USP53: variants seen among roughly 807,000 people sequenced by gnomAD.
USP53 encodes ubiquitin carboxyl-terminal hydrolase 53.
A neutral mutation model predicts 94.9 loss-of-function variants in USP53; 71 were observed. That is an observed-to-expected ratio of 0.75 (90% CI 0.62 to 0.91). The LOEUF (loss-of-function observed/expected upper bound fraction) is 0.91, where lower values mean the gene tolerates loss of function less well. Among genes scored for constraint, USP53 ranks in the 40% least tolerant of loss-of-function variants. The pLI is 0.00. For missense variants in USP53, 1,173 were observed against 1,281.0 expected (o/e 0.92, Z 1.29); for synonymous variants, 375 against 422.7 (o/e 0.89, Z 1.39).
intron 4 of USP53, among the ~76,000 whole-genome samples, chr4:119,236,697 A>C (rs1746809676): frequency 1.3e-5 from 2 of 152,246 alleles, no homozygotes; most frequent in Admixed American, 1.3e-4. Context: ...AGATTGCAGC[A>C]ATTCAGTCAC....
At chr4:119,229,993 C>T (rs1363664608) in intron 3 of USP53, among the ~76,000 whole-genome samples, 1 of 152,128 alleles carries the variant, frequency 6.6e-6, no homozygotes, top group Non-Finnish European at 1.5e-5. Context: ...CTCATCCTCC[C>T]AACATACGCA....
At chr4:119,289,440 T>C (rs965497904) in intron 17 of USP53, among the ~76,000 whole-genome samples, 32 of 152,292 alleles carry the variant, frequency 2.1e-4, no homozygotes, top group Middle Eastern at 3.4e-3. Flanking sequence ...ATAGTTTGAC[T>C]TCATAGACCC....
chr4:119,265,802 C>T (rs181430922), intron 12 of USP53, among the ~76,000 whole-genome samples: 41 of 152,250 alleles, frequency 2.7e-4, no homozygotes, highest in African/African-American at 9.6e-4. Flanking sequence ...TTAAAAGTCC[C>T]CTTGCCTGCA....
At chr4:119,240,011 T>C in intron 5 of USP53, 108 bp downstream of exon 5, 1 of 1,140,342 alleles carries the variant, frequency 8.8e-7, no homozygotes, top group Non-Finnish European at 1.1e-6. Flanking sequence ...TAGACTAGAA[T>C]GACTTTTTAA....
chr4:119,220,335 T>C (rs908801006), intron 3 of USP53: 7 of 152,170 alleles, frequency 4.6e-5, no homozygotes, highest in Admixed American at 4.6e-4. Context: ...CTATTAACTC[T>C]TTTAGGAAAA....
Position 119,269,673 on chromosome 4 carries a change from G to A in USP53, c.1289-18G>A, listed in dbSNP as rs1751604195. 2.2e-6 allele frequency: 3 copies of A among 1,365,084 alleles called. No homozygotes were observed. The highest frequency in any genetic ancestry group is 2.9e-6 in the Non-Finnish European group (3 of 1,052,226). 84.6% of individuals were successfully genotyped at this position (1,365,084 alleles called of 1,614,324 possible). A position where few individuals can be genotyped will look rare whatever the true frequency, so the allele number is the denominator to read the frequency against. ...TGAAAAATGATCTGTATCATAGTAA[G>A]AATGATTTCTTTTACAGCTAAGTTA... is the stretch of plus-strand genomic sequence containing the variant. On this transcript the variant is annotated intron_variant, in intron 14 of 18. Coordinates refer to ENST00000692078, the MANE Select transcript of USP53 (RefSeq NM_001371395.1).
chr4:119,273,435 C>A (rs994918971), intron 16 of USP53, 197 bp from the exon 17 acceptor site: 2 of 431,622 alleles, frequency 4.6e-6, no homozygotes, highest in Non-Finnish European at 4.3e-6. Context: ...AATTATTGGG[C>A]AAATTAATTT....
intron 12 of USP53, among the ~76,000 whole-genome samples, chr4:119,263,605 C>G (rs1420357241): frequency 6.6e-6 from 1 of 152,098 alleles, no homozygotes; most frequent in Non-Finnish European, 1.5e-5. Context: ...AAAGGTAAAA[C>G]AATTCTCAAA....
intron 3 of USP53, among the ~76,000 whole-genome samples, chr4:119,223,478 C>A (rs746949530): frequency 8.6e-5 from 13 of 152,014 alleles, no homozygotes; most frequent in Non-Finnish European, 1.2e-4. Flanking sequence ...TGTGCATATC[C>A]CAATTTGAAG....
At chr4:119,248,392 C>T (rs940725413) in intron 6 of USP53, among the ~76,000 whole-genome samples, 3 of 126,548 alleles carry the variant, frequency 2.4e-5, no homozygotes, top group African/African-American at 9.3e-5. Context: ...CTTGATGATA[C>T]AAATAATTAA....
At chr4:119,253,281 T>C (rs1317068611) in intron 7 of USP53, among the ~76,000 whole-genome samples, 1 of 152,158 alleles carries the variant, frequency 6.6e-6, no homozygotes, top group Non-Finnish European at 1.5e-5. Flanking sequence ...TTGTTAATTT[T>C]CTGTCTTGTT....
In USP53 at chr4:119,268,410, G is replaced by C. The variant is rs184668971; in HGVS notation, c.1278G>C (p.Gly426=). 7 of 1,611,568 alleles carry C rather than the reference G, an allele frequency of 4.3e-6. No individual in the cohort carries two copies. In the Admixed American group the frequency reaches 1.2e-4, roughly 27 times the overall value. Residue 426 remains glycine, a synonymous_variant, in exon 14 of 19, where the codon GGG becomes GGC. Transcript: ENST00000692078. ...SNRSHSHTGV[G]KGPAKLSHID... ...GGAGCCACAGTCACACAGGTGTAGG[G>C]AAAGGACCAGGTATGTGTTTAAATT...
chr4:119,248,111 T>C (rs1165301837), intron 6 of USP53, among the ~76,000 whole-genome samples: 2 of 152,204 alleles, frequency 1.3e-5, no homozygotes, highest in Non-Finnish European at 1.5e-5. Context: ...TTGGAATTTA[T>C]TAAAATGTTT....
rs1387020934 is a variant in USP53 at position 119,271,770 on chromosome 4, G to A, written c.1910G>A (p.Gly637Asp). The A allele has an allele frequency of 6.2e-7, 1 of 1,613,782 alleles. No individual in the cohort carries two copies. Among genetic ancestry groups the A allele is most frequent in the Non-Finnish European group, 8.5e-7 (1 of 1,179,972 alleles). Reference sequence around the variant, plus strand: ...CCAAAAGAGAATCCAAAGCAAAAAGGTTTAATGACCATATATGAAGATGAA... The same window carrying A: ...CCAAAAGAGAATCCAAAGCAAAAAGATTTAATGACCATATATGAAGATGAA... ...NWPKENPKQK[G>D]LMTIYEDEMK... The change falls in exon 16 of 19, where the codon GGT becomes GAT. Residue 637 changes from glycine (G) to aspartate (D), a missense_variant. Gly to Asp is a moderately conservative substitution (Grantham distance 94). Transcript: ENST00000692078.
chr4:119,292,646 T>A lies in USP53; in HGVS notation c.2657T>A (p.Met886Lys). ...TAPLIQQQNI[M>K]DQCYFENSLS... ...CCTCTCATCCAGCAACAAAATATCA[T>A]GGATCAATGTTACTTTGAGAACTCT... Residue 886 changes from methionine (M) to lysine (K), a missense_variant, in exon 19 of 19, where the codon ATG becomes AAG. Coordinates refer to ENST00000692078, the MANE Select transcript of USP53 (RefSeq NM_001371395.1). The A allele has an allele frequency of 1.9e-6, 3 of 1,614,102 alleles. No homozygotes were observed. Among genetic ancestry groups the A allele is most frequent in the Non-Finnish European group, 2.5e-6 (3 of 1,179,968 alleles).
chr4:119,230,834 C>T (rs1745966140), intron 3 of USP53, among the ~76,000 whole-genome samples: 1 of 152,112 alleles, frequency 6.6e-6, no homozygotes, highest in South Asian at 2.1e-4. Flanking sequence ...TGAGGGGAAC[C>T]TGTAGGCCAA....
chr4:119,254,630 T>C (rs976491574), intron 7 of USP53, among the ~76,000 whole-genome samples: 2 of 152,216 alleles, frequency 1.3e-5, no homozygotes, highest in Non-Finnish European at 2.9e-5. Flanking sequence ...TCTAACCTTT[T>C]TTCAAGGTTT....
At chr4:119,268,176 A>G in intron 13 of USP53, 92 bp from the exon 14 acceptor site, 1 of 1,021,044 alleles carries the variant, frequency 9.8e-7, no homozygotes. Context: ...TCCGTCTCAA[A>G]AAAAAAAAAA....
intron 7 of USP53, among the ~76,000 whole-genome samples, chr4:119,251,435 G>A (rs190920370): frequency 2.6e-5 from 4 of 152,222 alleles, no homozygotes; most frequent in Admixed American, 6.5e-5. Context: ...TGGGATTGGT[G>A]GGTCAAATGG....
Sources: gnomAD v4.1 joint callset for allele counts (sites outside exome capture counted in the v4.1 genomes callset) on GRCh38, gnomAD v4.1.1 for gene constraint, MANE v1.5 for transcripts, NCBI Gene and HGNC (gene_info 2026-07-23, HGNC 2026-07-21) for gene names.